Variants in OPCML observed in about 807,000 individuals in gnomAD.
OPCML encodes the protein opioid-binding protein/cell adhesion molecule.
A neutral mutation model predicts 37.8 loss-of-function variants in OPCML; 13 were observed. The ratio of observed to expected loss-of-function variants is 0.34; its 90% confidence interval spans 0.22 to 0.55. The LOEUF is 0.55. OPCML is among the 20% of genes least tolerant of loss of function. The pLI is 0.91. For synonymous variants in OPCML, 176 were observed against 168.8 expected (o/e 1.04, Z -0.33); for missense variants, 341 against 435.6 (o/e 0.78, Z 1.93).
chr11:132,815,879 A>C (rs1299653176), intron 2 of OPCML, among the ~76,000 whole-genome samples: 1 of 152,230 alleles, frequency 6.6e-6, no homozygotes, highest in African/African-American at 2.4e-5. Context: ...ACAGATAGAG[A>C]AATGTGTCTT....
chr11:133,373,860 A>G (rs1944740383), intron 1 of OPCML, among the ~76,000 whole-genome samples: 1 of 152,158 alleles, frequency 6.6e-6, no homozygotes, highest in African/African-American at 2.4e-5. Flanking sequence ...AAAGCTTCAT[A>G]GTTTTCCATC....
rs1290344146 is a variant in OPCML, at chr11:132,712,202, G to T, written c.147-54883C>A. Among the ~76,000 whole-genome samples the T allele has an allele frequency of 2.2e-4, 33 of 152,166 alleles. 1 individual carries two copies. The highest frequency in any genetic ancestry group is 6.0e-4 in the African/African-American group (25 of 41,436). On this transcript the variant is annotated intron_variant, in intron 2 of 7. Coordinates refer to ENST00000524381, the MANE Select transcript of OPCML (RefSeq NM_001012393.5). ...TGTTGTCGGCAATTGATTTGGTAGA[G>T]GCGAATGAGAAGATGAATGTAATTA... is the stretch of plus-strand genomic sequence containing the variant.
chr11:132,521,865 TTA>T (rs1421925823), intron 4 of OPCML, among the ~76,000 whole-genome samples: 2 of 152,216 alleles, frequency 1.3e-5, no homozygotes, highest in Non-Finnish European at 2.9e-5. Context: ...GTACTTATTT[TTA>T]TGTCTTTGTG....
chr11:132,569,856 A>G (rs2096433129), intron 3 of OPCML, among the ~76,000 whole-genome samples: 1 of 152,134 alleles, frequency 6.6e-6, no homozygotes. Context: ...TTTAATATCA[A>G]TTAAGAGGGA....
intron 1 of OPCML, among the ~76,000 whole-genome samples, chr11:133,236,673 G>A (rs531120376): frequency 3.3e-4 from 51 of 152,282 alleles, no homozygotes; most frequent in Admixed American, 5.9e-4. Context: ...TATTTGCCCT[G>A]GCATGCTTAT....
chr11:133,150,329 G>A (rs1201145079), intron 1 of OPCML, among the ~76,000 whole-genome samples: 1 of 152,182 alleles, frequency 6.6e-6, no homozygotes, highest in Non-Finnish European at 1.5e-5. Flanking sequence ...GAGGGCTTCT[G>A]TCATCGTCTT....
At chr11:132,435,151 G>A (rs750213341) in intron 7 of OPCML, 6 of 1,281,676 alleles carry the variant, frequency 4.7e-6, no homozygotes, top group Non-Finnish European at 5.1e-6. Flanking sequence ...GGAACATGCT[G>A]TACCCACCTG....
At chr11:132,734,971 C>G (rs1188037805) in intron 2 of OPCML, among the ~76,000 whole-genome samples, 1 of 152,050 alleles carries the variant, frequency 6.6e-6, no homozygotes, top group African/African-American at 2.4e-5. Flanking sequence ...AAAACTATCG[C>G]CTGCAACATA....
chr11:133,469,052 G>GCTGC (rs1379013628), intron 1 of OPCML, among the ~76,000 whole-genome samples: 1 of 152,140 alleles, frequency 6.6e-6, no homozygotes, highest in Non-Finnish European at 1.5e-5. Flanking sequence ...GTTGGCTTAG[G>GCTGC]CTGCACATTC....
chr11:133,071,022 G>C (rs1281695730), intron 1 of OPCML, among the ~76,000 whole-genome samples: 1 of 152,254 alleles, frequency 6.6e-6, no homozygotes, highest in Non-Finnish European at 1.5e-5. Flanking sequence ...GGGAGCTTGG[G>C]AGAGAGAATG....
chr11:133,000,484 C>G (rs2136844480), intron 1 of OPCML, among the ~76,000 whole-genome samples: 1 of 152,296 alleles, frequency 6.6e-6, no homozygotes, highest in Admixed American at 6.5e-5. Context: ...TTGACCAAGC[C>G]AAGTACTTAG....
chr11:132,971,952 G>A (rs538693256), intron 1 of OPCML, among the ~76,000 whole-genome samples: 6 of 152,258 alleles, frequency 3.9e-5, no homozygotes, highest in South Asian at 2.1e-4. Context: ...TGCTGCTGCC[G>A]TTATCCTCTT....
At chr11:133,011,534 C>T (rs1591909175) in intron 1 of OPCML, among the ~76,000 whole-genome samples, 1 of 151,982 alleles carries the variant, frequency 6.6e-6, no homozygotes, top group East Asian at 1.9e-4. Context: ...CAGGACTATG[C>T]TCAATTTAAG....
At chr11:133,024,233 G>C (rs1339830948) in intron 1 of OPCML, 1 of 435,690 alleles carries the variant, frequency 2.3e-6, no homozygotes, top group Non-Finnish European at 3.1e-6. Context: ...ACCTCAGGCA[G>C]GTTGGTGGGG....
At chr11:133,486,703 G>C (rs78276040) in intron 1 of OPCML, among the ~76,000 whole-genome samples, 5,123 of 152,188 alleles carry the variant, frequency 0.034, 124 homozygotes, top group South Asian at 0.11. Context: ...CTCAGGACTT[G>C]TAATTCCACT....
intron 1 of OPCML, among the ~76,000 whole-genome samples, chr11:132,976,844 T>C (rs944412037): frequency 6.6e-6 from 1 of 152,230 alleles, no homozygotes; most frequent in Non-Finnish European, 1.5e-5. Context: ...GCCAAATATG[T>C]GAATGAGTGA....
chr11:133,198,323 G>C (rs1398055256), intron 1 of OPCML, among the ~76,000 whole-genome samples: 2 of 152,232 alleles, frequency 1.3e-5, no homozygotes, highest in Non-Finnish European at 2.9e-5. Context: ...GTTTTAAAAA[G>C]TGAAATGGCT....
chr11:132,449,703 C>A (rs1164583435), intron 4 of OPCML, among the ~76,000 whole-genome samples: 1 of 152,172 alleles, frequency 6.6e-6, no homozygotes, highest in Admixed American at 6.5e-5. Context: ...CAAATGGAAG[C>A]TGAGGAGGCC....
chr11:133,357,389 A>C (rs1379110530), intron 1 of OPCML, among the ~76,000 whole-genome samples: 2 of 152,200 alleles, frequency 1.3e-5, no homozygotes, highest in African/African-American at 4.8e-5. Context: ...CGTACATGGC[A>C]CTATGTTTGA....
Sources: allele counts gnomAD v4.1 joint callset (sites outside exome capture counted in the v4.1 genomes callset), GRCh38; gene constraint gnomAD v4.1.1; transcripts MANE v1.5; gene names NCBI Gene and HGNC (gene_info 2026-07-23, HGNC 2026-07-21).